KCNB2: variants seen among roughly 807,000 people sequenced by gnomAD.
KCNB2 encodes the protein delayed rectifier potassium channel protein.
In KCNB2, 15 loss-of-function variants were observed where a neutral mutation model predicts 61.5. The observed-to-expected ratio is 0.24, with a 90% CI of 0.16 to 0.38. The LOEUF is 0.38. KCNB2 is among the 10% of genes least tolerant of loss of function. The pLI is 1.00. For synonymous variants in KCNB2, 457 were observed against 446.0 expected (o/e 1.02, Z -0.31); for missense variants, 828 against 1,125.2 (o/e 0.74, Z 3.78).
At chr8:72,883,711 T>G (rs1333939905) in intron 2 of KCNB2, among the ~76,000 whole-genome samples, 3 of 152,218 alleles carry the variant, frequency 2.0e-5, no homozygotes, top group Non-Finnish European at 4.4e-5. Context: ...CTAAATTATC[T>G]TTTTTGTGCA....
At chr8:72,763,091 TC>T (rs1174773871) in intron 2 of KCNB2, among the ~76,000 whole-genome samples, 1 of 151,340 alleles carries the variant, frequency 6.6e-6, no homozygotes, top group African/African-American at 2.4e-5. Context: ...AACAAACTGT[TC>T]TTGGGTCATT....
chr8:72,908,434 A>T (rs977429398), intron 2 of KCNB2, among the ~76,000 whole-genome samples: 2 of 152,114 alleles, frequency 1.3e-5, no homozygotes, highest in Admixed American at 6.6e-5. Context: ...TCACCTATTT[A>T]TTCCAGTACC....
intron 2 of KCNB2, among the ~76,000 whole-genome samples, chr8:72,832,376 G>A (rs1809711974): frequency 6.6e-6 from 1 of 152,158 alleles, no homozygotes; most frequent in Non-Finnish European, 1.5e-5. Flanking sequence ...AGAAAATTAT[G>A]GGTGACTCTT....
intron 2 of KCNB2, among the ~76,000 whole-genome samples, chr8:72,892,969 C>T (rs561345360): frequency 7.9e-5 from 12 of 151,894 alleles, no homozygotes; most frequent in Non-Finnish European, 1.6e-4. Flanking sequence ...GCTGATCAAC[C>T]CTTGGGAATA....
rs144151994 is a variant in KCNB2, at chr8:72,587,134, G to A, written c.579+18821G>A. ...CAGTATGTATAGACTGGATAGTGCA[G>A]AAATAACAAATCCTGACTTTGTGAA... is the stretch of plus-strand genomic sequence containing the variant. On this transcript the variant is annotated intron_variant, in intron 2 of 2. Transcript: ENST00000523207. 4.2e-3 allele frequency among the ~76,000 whole-genome samples: 642 copies of A among 152,232 alleles called. 1 individual carries two copies. Among genetic ancestry groups the A allele is most frequent in the Admixed American group, 0.011 (171 of 15,300 alleles).
rs147496257 is a variant in KCNB2, at chr8:72,826,558, G to A, written c.580-109377G>A. ...TAAAAGGAAATAGGTTTAAATTGCA[G>A]CATGGAAGATTAATTTAGATATTTC... On this transcript the variant is annotated intron_variant, in intron 2 of 2. Coordinates refer to ENST00000523207, the MANE Select transcript of KCNB2 (RefSeq NM_004770.3). 4.9e-3 allele frequency among the ~76,000 whole-genome samples: 740 copies of A among 152,314 alleles called. 3 individuals carry two copies. The highest frequency in any genetic ancestry group is 0.031 in the Middle Eastern group (9 of 294).
chr8:72,874,612 G>A (rs900443442), intron 2 of KCNB2, among the ~76,000 whole-genome samples: 1 of 152,232 alleles, frequency 6.6e-6, no homozygotes, highest in Non-Finnish European at 1.5e-5. Context: ...AGGCAGAGCA[G>A]CAAAATAACT....
chr8:72,924,504 A>G (rs1200502893), intron 2 of KCNB2, among the ~76,000 whole-genome samples: 1 of 152,138 alleles, frequency 6.6e-6, no homozygotes, highest in African/African-American at 2.4e-5. Context: ...CTGCATTTCT[A>G]ATCTGTTCCC....
At chr8:72,635,458 C>CA (rs1805948697) in intron 2 of KCNB2, among the ~76,000 whole-genome samples, 7 of 152,250 alleles carry the variant, frequency 4.6e-5, no homozygotes, top group Admixed American at 3.3e-4. Flanking sequence ...GCCTGGTTGA[C>CA]AGGAAAGGCC....
intron 1 of KCNB2, among the ~76,000 whole-genome samples, chr8:72,562,917 C>A (rs1806559499): frequency 6.6e-6 from 1 of 151,946 alleles, no homozygotes; most frequent in Non-Finnish European, 1.5e-5. Flanking sequence ...ATACCCTTAC[C>A]CACAGGGAAC....
chr8:72,599,793 A>G (rs1807262562), intron 2 of KCNB2, among the ~76,000 whole-genome samples: 1 of 152,236 alleles, frequency 6.6e-6, no homozygotes, highest in African/African-American at 2.4e-5. Context: ...AAAGGATATG[A>G]ACAGACACTT....
chr8:72,568,375 G>A (rs1382114608), intron 2 of KCNB2, 62 bp downstream of exon 2: 2 of 1,378,436 alleles, frequency 1.5e-6, no homozygotes, highest in Non-Finnish European at 2.0e-6. Flanking sequence ...CTACGTTCTA[G>A]AGAGTATAAG....
chr8:72,733,120 G>A (rs1006859314), intron 2 of KCNB2, among the ~76,000 whole-genome samples: 5 of 152,144 alleles, frequency 3.3e-5, no homozygotes, highest in Admixed American at 6.5e-5. Context: ...TCATACAAAC[G>A]TGAAGGTTAT....
At chr8:72,728,910 A>T (rs1314037642) in intron 2 of KCNB2, among the ~76,000 whole-genome samples, 1 of 152,222 alleles carries the variant, frequency 6.6e-6, no homozygotes, top group African/African-American at 2.4e-5. Context: ...AATAAAGTAA[A>T]TAAATAAAAC....
chr8:72,711,039 T>C (rs1807317482), intron 2 of KCNB2, among the ~76,000 whole-genome samples: 1 of 152,208 alleles, frequency 6.6e-6, no homozygotes, highest in Non-Finnish European at 1.5e-5. Context: ...CTTGTGTCCA[T>C]CAATGATGCT....
intron 2 of KCNB2, among the ~76,000 whole-genome samples, chr8:72,779,115 AG>A (rs574520698): frequency 3.3e-4 from 51 of 152,332 alleles, no homozygotes; most frequent in Admixed American, 1.4e-3. Context: ...CCTGTGGCTC[AG>A]TCACAGCTTA....
intron 2 of KCNB2, among the ~76,000 whole-genome samples, chr8:72,928,133 T>C (rs73319482): frequency 0.048 from 7,286 of 152,042 alleles, 561 homozygotes; most frequent in African/African-American, 0.17. Flanking sequence ...ATGAATTATC[T>C]TTTCAAAGAG....
intron 2 of KCNB2, among the ~76,000 whole-genome samples, chr8:72,579,949 G>A (rs1162029748): frequency 6.6e-6 from 1 of 152,182 alleles, no homozygotes; most frequent in Non-Finnish European, 1.5e-5. Flanking sequence ...CATCCCCTCA[G>A]TAATTAATAT....
intron 2 of KCNB2, among the ~76,000 whole-genome samples, chr8:72,600,118 A>G (rs371624359): frequency 6.6e-6 from 1 of 152,244 alleles, no homozygotes; most frequent in Non-Finnish European, 1.5e-5. Flanking sequence ...ATTATAAATC[A>G]TGCTGCTATA....
Sources: gnomAD v4.1 joint callset for allele counts (sites outside exome capture counted in the v4.1 genomes callset) on GRCh38, gnomAD v4.1.1 for gene constraint, MANE v1.5 for transcripts, NCBI Gene and HGNC (gene_info 2026-07-23, HGNC 2026-07-21) for gene names.